Variants in CLNK observed in about 807,000 individuals in gnomAD.
The protein encoded by CLNK is cytokine dependent hematopoietic cell linker.
CLNK carries 74 observed loss-of-function variants against 68.6 expected under a neutral mutation model. That is an observed-to-expected ratio of 1.08 (90% CI 0.89 to 1.31). CLNK has a LOEUF of 1.31. Among genes scored for constraint, CLNK ranks in the 50% most tolerant of loss-of-function variants. CLNK has a pLI of 0.00. For missense variants in CLNK, 553 were observed against 515.3 expected, an observed-to-expected ratio of 1.07 and a Z score of -0.71; for synonymous variants, 198 against 172.2, an observed-to-expected ratio of 1.15 and a Z score of -1.17.
chr4:10,557,205 A>G (rs1719709383), intron 8 of CLNK, among the ~76,000 whole-genome samples: 1 of 152,080 alleles, frequency 6.6e-6, no homozygotes, highest in African/African-American at 2.4e-5. Flanking sequence ...TCCCCTTTTC[A>G]CTGCGCTGGC....
chr4:10,591,915 T>G (rs904739462), intron 3 of CLNK, among the ~76,000 whole-genome samples: 1 of 152,244 alleles, frequency 6.6e-6, no homozygotes, highest in Non-Finnish European at 1.5e-5. Context: ...TAAGAAATAT[T>G]TGGGGCATGT....
At chr4:10,563,632 G>A (rs1415733792) in intron 7 of CLNK, among the ~76,000 whole-genome samples, 6 of 152,124 alleles carry the variant, frequency 3.9e-5, no homozygotes, top group South Asian at 2.1e-4. Context: ...ACAATGGCCC[G>A]GCGCGGTGGC....
intron 2 of CLNK, among the ~76,000 whole-genome samples, chr4:10,634,670 C>T (rs1399255149): frequency 1.3e-5 from 2 of 152,200 alleles, no homozygotes; most frequent in Non-Finnish European, 2.9e-5. Flanking sequence ...CCCAGTCTAA[C>T]TTCGGTGTTT....
chr4:10,692,727 C>T, the CLNK span, among the ~76,000 whole-genome samples: 4 of 152,138 alleles, frequency 2.6e-5, no homozygotes, highest in Non-Finnish European at 5.9e-5. Context: ...ATAGTAGGTG[C>T]TCAGTGAATA....
chr4:10,593,730 T>A (rs1050696570), intron 3 of CLNK, among the ~76,000 whole-genome samples: 1 of 152,192 alleles, frequency 6.6e-6, no homozygotes, highest in Non-Finnish European at 1.5e-5. Context: ...CTGGGCCTCA[T>A]GGGCCCTGAG....
the CLNK span, among the ~76,000 whole-genome samples, chr4:10,728,999 T>C: frequency 6.6e-6 from 1 of 152,232 alleles, no homozygotes; most frequent in Non-Finnish European, 1.5e-5. Context: ...AATTATTCTG[T>C]GGAATCATAT....
chr4:10,504,612 C>T (rs1045492413), intron 17 of CLNK, among the ~76,000 whole-genome samples: 4 of 152,078 alleles, frequency 2.6e-5, no homozygotes, highest in South Asian at 2.1e-4. Flanking sequence ...AATAGGATGG[C>T]GGAATTTTCT....
At chr4:10,721,505 G>C in the CLNK span, among the ~76,000 whole-genome samples, 2 of 151,636 alleles carry the variant, frequency 1.3e-5, no homozygotes, top group East Asian at 3.9e-4. Flanking sequence ...AAGAAGTGTA[G>C]AGAACATATG....
At chr4:10,586,954 AT>A (rs113884963) in intron 3 of CLNK, among the ~76,000 whole-genome samples, 3 of 147,378 alleles carry the variant, frequency 2.0e-5, no homozygotes, top group Non-Finnish European at 4.5e-5. Context: ...GTCTTTGCCC[AT>A]TTTTTTTCTT....
At chr4:10,727,862 T>C in the CLNK span, among the ~76,000 whole-genome samples, 1 of 152,234 alleles carries the variant, frequency 6.6e-6, no homozygotes, top group Non-Finnish European at 1.5e-5. Flanking sequence ...AAGAAGTGCA[T>C]ATTCCTGGGC....
chr4:10,714,142 G>A, the CLNK span, among the ~76,000 whole-genome samples: 3 of 152,180 alleles, frequency 2.0e-5, no homozygotes, highest in Admixed American at 1.3e-4. Context: ...CCCTTCCCAG[G>A]CTGTGGCTTC....
At chr4:10,537,706 C>CCTTTCTTTCTTTCTTTTTTCTTTCTTT (rs1718846291) in intron 11 of CLNK, among the ~76,000 whole-genome samples, 1 of 13,376 alleles carries the variant, frequency 7.5e-5, no homozygotes, top group Non-Finnish European at 1.5e-4. Context: ...TTCCTTCCTT[C>CCTTTCTTTCTTTCTTTTTTCTTTCTTT]CTTTCTTTCT....
At chr4:10,606,778 A>G (rs1721809814) in intron 2 of CLNK, among the ~76,000 whole-genome samples, 1 of 152,310 alleles carries the variant, frequency 6.6e-6, no homozygotes, top group East Asian at 1.9e-4. Flanking sequence ...CTATATATCT[A>G]TATCTATATC....
intron 7 of CLNK, among the ~76,000 whole-genome samples, chr4:10,562,683 C>T (rs969434922): frequency 2.0e-5 from 3 of 152,172 alleles, no homozygotes; most frequent in South Asian, 2.1e-4. Context: ...AGATTACAGA[C>T]GTGAGCCCCC....
At chr4:10,723,945 C>G in the CLNK span, among the ~76,000 whole-genome samples, 1 of 71,778 alleles carries the variant, frequency 1.4e-5, no homozygotes, top group Non-Finnish European at 3.3e-5. Flanking sequence ...GCTTTGGTAA[C>G]TTTTATGTGT....
intron 2 of CLNK, among the ~76,000 whole-genome samples, chr4:10,624,675 T>C (rs1235710556): frequency 6.7e-6 from 1 of 149,738 alleles, no homozygotes; most frequent in Non-Finnish European, 1.5e-5. Flanking sequence ...TCTCAGGATG[T>C]CTCAGGATCT....
chr4:10,667,791 C>T, intron 2 of CLNK, 68 bp downstream of exon 2: 2 of 1,447,156 alleles, frequency 1.4e-6, no homozygotes, highest in South Asian at 2.8e-5. Flanking sequence ...AGTTCATCTT[C>T]CAGAAAACAC....
At chr4:10,507,537 C>T (rs1339558622) in intron 17 of CLNK, among the ~76,000 whole-genome samples, 1 of 152,062 alleles carries the variant, frequency 6.6e-6, no homozygotes, top group Admixed American at 6.6e-5. Context: ...AGTCTTGGCT[C>T]ACTGCAACCT....
the CLNK span, among the ~76,000 whole-genome samples, chr4:10,701,771 A>G: frequency 7.9e-5 from 12 of 152,224 alleles, no homozygotes; most frequent in African/African-American, 2.7e-4. Flanking sequence ...GTGAGGTGAT[A>G]TGGGGTCGCC....
Sources: gnomAD v4.1 joint callset for allele counts (sites outside exome capture counted in the v4.1 genomes callset) on GRCh38, gnomAD v4.1.1 for gene constraint, MANE v1.5 for transcripts, NCBI Gene and HGNC (gene_info 2026-07-23, HGNC 2026-07-21) for gene names.